Variants in RGS3 observed in about 807,000 individuals in gnomAD.
The protein encoded by RGS3 is regulator of G-protein signalling 3.
RGS3 carries 80 observed loss-of-function variants against 132.6 expected under a neutral mutation model. The ratio of observed to expected loss-of-function variants is 0.60; its 90% CI spans 0.50 to 0.73. The LOEUF (loss-of-function observed/expected upper bound fraction) is 0.73. Among genes scored for constraint, RGS3 ranks in the 30% least tolerant of loss-of-function variants. RGS3 has a pLI of 0.00. For synonymous variants in RGS3, 598 were observed against 620.6 expected (o/e 0.96, Z 0.54); for missense variants, 1,382 against 1,530.8 (o/e 0.90, Z 1.62).
At chr9:113,559,016 C>T (rs553688394) in intron 19 of RGS3, among the ~76,000 whole-genome samples, 16 of 152,288 alleles carry the variant, frequency 1.1e-4, no homozygotes, top group East Asian at 7.7e-4. Flanking sequence ...CCCCAGGGTT[C>T]GCAGAAGGCA....
chr9:113,594,080 C>T, intron 21 of RGS3: 1 of 1,613,088 alleles, frequency 6.2e-7, no homozygotes, highest in East Asian at 2.2e-5. Flanking sequence ...CCTCCCATTT[C>T]CTGGCTCCTC....
chr9:113,595,002 A>G (rs767407480), intron 23 of RGS3, 22 bp downstream of exon 21: 1 of 1,611,326 alleles, frequency 6.2e-7, no homozygotes, highest in Admixed American at 1.7e-5. Flanking sequence ...CTGCCTGCCC[A>G]CTCCCTGTGC....
intron 18 of RGS3, among the ~76,000 whole-genome samples, chr9:113,530,393 G>A (rs575786402): frequency 5.3e-5 from 8 of 152,342 alleles, no homozygotes; most frequent in African/African-American, 1.7e-4. Flanking sequence ...AGACCTGAGG[G>A]CCAAGAGGGC....
At chr9:113,525,985 G>T (rs1832181265) in intron 17 of RGS3, among the ~76,000 whole-genome samples, 1 of 152,226 alleles carries the variant, frequency 6.6e-6, no homozygotes, top group Non-Finnish European at 1.5e-5. Context: ...CAGCAGGGCT[G>T]AATGGCAGTG....
intron 9 of RGS3, 21 bp downstream of exon 7, chr9:113,497,425 G>A: frequency 1.2e-6 from 2 of 1,605,036 alleles, no homozygotes; most frequent in Non-Finnish European, 1.7e-6. Flanking sequence ...ACCCCCTTCA[G>A]CTTCCCTTCC....
chr9:113,544,599 C>T (rs933522571), intron 19 of RGS3, among the ~76,000 whole-genome samples: 5 of 152,202 alleles, frequency 3.3e-5, no homozygotes, highest in African/African-American at 1.2e-4. Flanking sequence ...TGGAAGGGCT[C>T]CCCACAGCGA....
chr9:113,497,259 T>G, intron 8 of RGS3, 55 bp from the exon 7 acceptor site: 1 of 1,415,938 alleles, frequency 7.1e-7, no homozygotes, highest in Non-Finnish European at 9.9e-7. Flanking sequence ...GGTGGCTGCC[T>G]GACCTGTGCT....
intron 19 of RGS3, among the ~76,000 whole-genome samples, chr9:113,542,464 G>A (rs951440960): frequency 6.6e-6 from 1 of 152,186 alleles, no homozygotes; most frequent in Non-Finnish European, 1.5e-5. Flanking sequence ...TCAGTTAGGG[G>A]GCTCGTTCAG....
intron 19 of RGS3, among the ~76,000 whole-genome samples, chr9:113,553,832 A>G (rs1363383540): frequency 6.6e-6 from 1 of 152,118 alleles, no homozygotes; most frequent in Admixed American, 6.6e-5. Flanking sequence ...GACAAGAGAG[A>G]AACTCCGTCT....
At chr9:113,457,179 A>G (rs1240357313), upstream of RGS3, among the ~76,000 whole-genome samples, 1 of 152,020 alleles carries the variant, frequency 6.6e-6, no homozygotes, top group Admixed American at 6.6e-5. Flanking sequence ...CACATTTCCC[A>G]TTGTTCAGTT....
At chr9:113,593,856 C>G in intron 21 of RGS3, 2 of 1,503,514 alleles carry the variant, frequency 1.3e-6, no homozygotes, top group Admixed American at 3.8e-5. Context: ...CCCCTGGCTC[C>G]CTCCTTCCCT....
chr9:113,544,133 G>A (rs1462425599), intron 19 of RGS3, among the ~76,000 whole-genome samples: 3 of 152,182 alleles, frequency 2.0e-5, no homozygotes, highest in Admixed American at 6.5e-5. Flanking sequence ...GCACACAATG[G>A]CCTCTTTCCT....
At chr9:113,490,687 A>ATAAT (rs1357729050) in intron 7 of RGS3, among the ~76,000 whole-genome samples, 5 of 143,804 alleles carry the variant, frequency 3.5e-5, no homozygotes, top group Non-Finnish European at 7.5e-5. Context: ...TATAAAATAT[A>ATAAT]ATATATTATA....
At chr9:113,522,803 T>C (rs12344578) in intron 16 of RGS3, 127 bp from the exon 15 acceptor site, 69,455 of 732,486 alleles carry the variant, frequency 0.095, 4,147 homozygotes, top group African/African-American at 0.19. Context: ...GCTCCTGGTT[T>C]TGTGTGAGAT....
intron 19 of RGS3, among the ~76,000 whole-genome samples, chr9:113,547,434 G>A (rs117034071): frequency 0.041 from 6,196 of 152,214 alleles, 199 homozygotes; most frequent in Non-Finnish European, 0.058. Context: ...TCCCCCATTG[G>A]AGGCCAGCAC....
At chr9:113,590,341 T>TCATC (rs965378168) in intron 20 of RGS3, among the ~76,000 whole-genome samples, 6 of 149,956 alleles carry the variant, frequency 4.0e-5, no homozygotes, top group Non-Finnish European at 5.9e-5. Flanking sequence ...ATCCACTCCT[T>TCATC]CATCCATCCA....
chr9:113,461,856 A>G (rs1482661809), exon 2 of RGS3: 1 of 1,613,282 alleles, frequency 6.2e-7, no homozygotes, highest in South Asian at 1.1e-5. Context: ...CGAAGTTGTG[A>G]AGAGGTGACT....
intron 19 of RGS3, among the ~76,000 whole-genome samples, chr9:113,556,939 A>G (rs1012587866): frequency 1.3e-5 from 2 of 151,070 alleles, no homozygotes; most frequent in Non-Finnish European, 3.0e-5. Flanking sequence ...CCCTCTTCCT[A>G]CTCCTGTCCA....
chr9:113,485,839 C>A, intron 7 of RGS3, 146 bp downstream of exon 5: 1 of 608,536 alleles, frequency 1.6e-6, no homozygotes, highest in Non-Finnish European at 2.9e-6. Context: ...GCTGCCCCTC[C>A]TTGAGTCTCC....
Sources: gnomAD v4.1 joint callset for allele counts (sites outside exome capture counted in the v4.1 genomes callset) on GRCh38, gnomAD v4.1.1 for gene constraint, MANE v1.5 for transcripts, NCBI Gene and HGNC (gene_info 2026-07-23, HGNC 2026-07-21) for gene names.